The following MATCAP2 variants were observed in gnomAD, a reference collection of about 807,000 sequenced individuals.
MATCAP2 encodes microtubule associated tyrosine carboxypeptidase 2.
the MATCAP2 span, among the ~76,000 whole-genome samples, chr7:36,351,962 AAAT>A: frequency 6.6e-6 from 1 of 150,474 alleles, no homozygotes; most frequent in Admixed American, 6.7e-5. Flanking sequence ...AAAAAAAAAA[AAAT>A]TTAAGATACA....
At chr7:36,356,725 G>A in the MATCAP2 span, 4 of 624,500 alleles carry the variant, frequency 6.4e-6, no homozygotes, top group Non-Finnish European at 1.1e-5. Context: ...TGAATGCAAT[G>A]GAGTTTATAT....
At chr7:36,373,700 C>G in the MATCAP2 span, among the ~76,000 whole-genome samples, 1 of 152,134 alleles carries the variant, frequency 6.6e-6, no homozygotes, top group African/African-American at 2.4e-5. Flanking sequence ...CCCCCACTAC[C>G]TCCCAAAGTG....
chr7:36,390,169 GTGTGCGGGCCGGGGTCGCCGCGGC>G, the MATCAP2 span: 1 of 1,546,674 alleles, frequency 6.5e-7, no homozygotes, highest in Admixed American at 1.8e-5. Context: ...CGTGCGCAGT[GTGTGCGGGCCGGGGTCGCCGCGGC>G]TGCGGCCTGC....
the MATCAP2 span, among the ~76,000 whole-genome samples, chr7:36,367,429 G>GC: frequency 1 from 152,271 of 152,274 alleles, 76,134 homozygotes; most frequent in Non-Finnish European, 1. Flanking sequence ...CAGCCAGTGG[G>GC]TAACGCATAT....
the MATCAP2 span, chr7:36,366,979 C>T: frequency 6.0e-6 from 8 of 1,339,610 alleles, no homozygotes; most frequent in South Asian, 4.0e-5. Context: ...TCCGCGGGCT[C>T]AGGGGAAAGG....
the MATCAP2 span, chr7:36,357,181 T>C: frequency 6.2e-7 from 1 of 1,614,186 alleles, no homozygotes; most frequent in Non-Finnish European, 8.5e-7. Context: ...GTGGCAGTAC[T>C]ATGCCATTCC....
chr7:36,353,992 T>A, the MATCAP2 span, among the ~76,000 whole-genome samples: 2 of 152,208 alleles, frequency 1.3e-5, no homozygotes, highest in African/African-American at 4.8e-5. Context: ...CCCAAGTAGC[T>A]TTCTGCAGGC....
At chr7:36,360,138 G>A in the MATCAP2 span, among the ~76,000 whole-genome samples, 1 of 152,112 alleles carries the variant, frequency 6.6e-6, no homozygotes, top group Non-Finnish European at 1.5e-5. Context: ...CATATATGTT[G>A]TACTGATTTT....
chr7:36,365,829 C>T, the MATCAP2 span, among the ~76,000 whole-genome samples: 1 of 152,218 alleles, frequency 6.6e-6, no homozygotes, highest in South Asian at 2.1e-4. Context: ...GCATCTACAT[C>T]AAATCACATT....
At chr7:36,379,578 C>T in the MATCAP2 span, among the ~76,000 whole-genome samples, 13 of 151,814 alleles carry the variant, frequency 8.6e-5, no homozygotes, top group Non-Finnish European at 1.9e-4. Flanking sequence ...CTAAACAGTT[C>T]AGAGTATGTA....
chr7:36,330,674 G>C, the MATCAP2 span, among the ~76,000 whole-genome samples: 1 of 152,064 alleles, frequency 6.6e-6, no homozygotes, highest in South Asian at 2.1e-4. Flanking sequence ...AGATATTATG[G>C]GGGGAAGTGT....
the MATCAP2 span, among the ~76,000 whole-genome samples, chr7:36,389,148 G>A: frequency 6.6e-6 from 1 of 152,024 alleles, no homozygotes; most frequent in Non-Finnish European, 1.5e-5. Context: ...TCCACCTCCC[G>A]GGTCCCAGTT....
At chr7:36,390,094 C>G in the MATCAP2 span, 4 of 1,612,034 alleles carry the variant, frequency 2.5e-6, no homozygotes, top group Admixed American at 3.3e-5. Context: ...CTCTAGGCCC[C>G]CACCCACCTT....
At chr7:36,363,213 T>C in the MATCAP2 span, among the ~76,000 whole-genome samples, 2 of 152,232 alleles carry the variant, frequency 1.3e-5, no homozygotes, top group African/African-American at 4.8e-5. Flanking sequence ...CCTAGGTATA[T>C]TCAACCTGTA....
chr7:36,380,910 T>A, the MATCAP2 span, among the ~76,000 whole-genome samples: 2 of 152,312 alleles, frequency 1.3e-5, no homozygotes, highest in East Asian at 3.9e-4. Flanking sequence ...TTTGTATTTT[T>A]AGTAGAGATG....
At chr7:36,365,323 C>A in the MATCAP2 span, among the ~76,000 whole-genome samples, 1 of 152,180 alleles carries the variant, frequency 6.6e-6, no homozygotes, top group Non-Finnish European at 1.5e-5. Context: ...CTCACCCCTG[C>A]CCAATTGTGA....
the MATCAP2 span, among the ~76,000 whole-genome samples, chr7:36,377,227 A>G: frequency 6.6e-6 from 1 of 152,216 alleles, no homozygotes; most frequent in African/African-American, 2.4e-5. Flanking sequence ...ATGTTTTTGC[A>G]GTGGCTGGTA....
chr7:36,366,209 A>G, the MATCAP2 span, among the ~76,000 whole-genome samples: 1 of 152,248 alleles, frequency 6.6e-6, no homozygotes, highest in African/African-American at 2.4e-5. Context: ...GTTTGCGTAC[A>G]GAATCAAATG....
the MATCAP2 span, among the ~76,000 whole-genome samples, chr7:36,348,681 G>C: frequency 6.6e-6 from 1 of 152,154 alleles, no homozygotes; most frequent in Non-Finnish European, 1.5e-5. Context: ...GACTGGCAGA[G>C]ATGACATATA....
Sources: gnomAD v4.1 joint callset for allele counts (sites outside exome capture counted in the v4.1 genomes callset) on GRCh38, gnomAD v4.1.1 for gene constraint, MANE v1.5 for transcripts, NCBI Gene and HGNC (gene_info 2026-07-23, HGNC 2026-07-21) for gene names.